PCDHA7: variants seen among roughly 807,000 people sequenced by gnomAD.
The protein encoded by PCDHA7 is protocadherin alpha-7.
Under a neutral mutation model 57.2 loss-of-function variants are expected in PCDHA7, and 37 were observed. The ratio of observed to expected loss-of-function variants is 0.65; its 90% confidence interval spans 0.50 to 0.85. The LOEUF (loss-of-function observed/expected upper bound fraction) is 0.85, where lower values mean the gene tolerates loss of function less well. PCDHA7 is among the 40% of genes least tolerant of loss of function. PCDHA7 has a pLI of 0.00. For missense variants in PCDHA7, 1,188 were observed against 1,241.8 expected (o/e 0.96, Z 0.65); for synonymous variants, 553 against 558.8 (o/e 0.99, Z 0.15).
intron 1 of PCDHA7, chr5:140,848,505 T>G: frequency 6.3e-7 from 1 of 1,587,952 alleles, no homozygotes; most frequent in South Asian, 1.1e-5. Context: ...AATGTTATAC[T>G]CAAGTCGAGG....
intron 1 of PCDHA7, chr5:140,928,001 A>T (rs1252162846): frequency 6.2e-7 from 1 of 1,614,034 alleles, no homozygotes; most frequent in Non-Finnish European, 8.5e-7. Flanking sequence ...GAAGACCTCG[A>T]TTCTAATGGT....
chr5:141,001,069 C>T (rs1422093659), intron 3 of PCDHA7, among the ~76,000 whole-genome samples: 15 of 152,106 alleles, frequency 9.9e-5, no homozygotes, highest in African/African-American at 3.1e-4. Flanking sequence ...AAATTAAATA[C>T]ATGCAAAATA....
At chr5:140,858,437 G>C (rs1343643925) in intron 1 of PCDHA7, 1 of 1,541,950 alleles carries the variant, frequency 6.5e-7, no homozygotes, top group South Asian at 1.2e-5. Context: ...CTCTAGGAAG[G>C]TGGGTTATTA....
At chr5:140,922,437 T>C (rs1462386336) in intron 1 of PCDHA7, among the ~76,000 whole-genome samples, 1 of 152,194 alleles carries the variant, frequency 6.6e-6, no homozygotes, top group African/African-American at 2.4e-5. Flanking sequence ...GGCAGAACTC[T>C]CTCATTATCC....
Position 140,936,735 on chromosome 5 carries a change from A to G in PCDHA7, c.2356-42214A>G, listed in dbSNP as rs75635765. 5.4e-3 allele frequency among the ~76,000 whole-genome samples: 829 copies of G among 152,226 alleles called. 3 individuals carry two copies. The highest frequency in any genetic ancestry group is 0.019 in the African/African-American group (798 of 41,528). ...AATACATTCTGTGTTAAATATAGTA[A>G]CTTTTCATTTGTATTGATATCTAAT... On this transcript the variant is annotated intron_variant, in intron 1 of 3. Coordinates refer to ENST00000525929, the MANE Select transcript of PCDHA7 (RefSeq NM_018910.3).
intron 1 of PCDHA7, chr5:140,884,363 T>A (rs1444938392): frequency 6.2e-7 from 1 of 1,613,818 alleles, no homozygotes; most frequent in African/African-American, 1.3e-5. Context: ...TGTCAATGTT[T>A]ACTTGATCAT....
chr5:140,953,316 T>G (rs782746401), intron 1 of PCDHA7, among the ~76,000 whole-genome samples: 3 of 152,138 alleles, frequency 2.0e-5, no homozygotes, highest in Non-Finnish European at 2.9e-5. Flanking sequence ...TGGGAAGAAT[T>G]TGATCATAGA....
Position 141,012,278 on chromosome 5 carries a change from G to T in PCDHA7, c.*2341G>T, listed in dbSNP as rs545417237. ...CTGTAAGGATAAAACACGTCATGTG[G>T]ATTCATTTTGAATTGGTGCTATTGG... On this transcript the variant is annotated 3_prime_UTR_variant, in exon 4 of 4. Coordinates refer to ENST00000525929, the MANE Select transcript of PCDHA7 (RefSeq NM_018910.3). The T allele has an allele frequency of 6.5e-6, 1 of 153,848 alleles. No individual in the cohort carries two copies. The highest frequency in any genetic ancestry group is 2.1e-4 in the South Asian group (1 of 4,826). The allele number at this position is 153,848 out of a possible 1,614,324, so 9.5% of individuals were successfully genotyped here.
intron 1 of PCDHA7, among the ~76,000 whole-genome samples, chr5:140,953,460 G>A (rs1025295552): frequency 1.3e-5 from 2 of 152,116 alleles, no homozygotes; most frequent in Non-Finnish European, 2.9e-5. Context: ...ATCTGTCAGA[G>A]TTTTAACTTC....
chr5:140,840,817 C>T (rs1422232698), intron 1 of PCDHA7, among the ~76,000 whole-genome samples: 1 of 152,040 alleles, frequency 6.6e-6, no homozygotes, highest in Non-Finnish European at 1.5e-5. Context: ...ACCAGTGTTT[C>T]TGGTGACCAA....
intron 1 of PCDHA7, chr5:140,927,680 G>T: frequency 6.2e-7 from 1 of 1,614,140 alleles, no homozygotes; most frequent in Non-Finnish European, 8.5e-7. Context: ...CCAGATGAAG[G>T]GTCCAATGGG....
intron 1 of PCDHA7, among the ~76,000 whole-genome samples, chr5:140,919,772 A>G (rs1421766938): frequency 6.6e-6 from 1 of 152,102 alleles, no homozygotes; most frequent in Non-Finnish European, 1.5e-5. Context: ...TATTACTGTT[A>G]CACATATTAC....
At chr5:140,863,799 G>A (rs1246230954) in intron 1 of PCDHA7, 10 of 212,460 alleles carry the variant, frequency 4.7e-5, no homozygotes, top group Non-Finnish European at 8.6e-5. Context: ...AGGAGTTTGA[G>A]ACCAGCCTGG....
chr5:140,924,096 T>C (rs1044149112), intron 1 of PCDHA7, among the ~76,000 whole-genome samples: 1 of 152,222 alleles, frequency 6.6e-6, no homozygotes, highest in Non-Finnish European at 1.5e-5. Context: ...AAAGAATAAA[T>C]TTTCATTCCA....
chr5:140,885,083 C>T (rs1359793188), intron 1 of PCDHA7, among the ~76,000 whole-genome samples: 3 of 151,992 alleles, frequency 2.0e-5, no homozygotes, highest in Admixed American at 6.5e-5. Context: ...TAAAGAGCCC[C>T]ATAACTTTTC....
At chr5:140,858,318 G>T in intron 1 of PCDHA7, 1 of 1,597,070 alleles carries the variant, frequency 6.3e-7, no homozygotes, top group Non-Finnish European at 8.6e-7. Context: ...CAGAGGGTGT[G>T]TTCTGGGGAG....
intron 1 of PCDHA7, chr5:140,882,983 GC>G: frequency 1.2e-6 from 2 of 1,614,130 alleles, no homozygotes; most frequent in Non-Finnish European, 1.7e-6. Context: ...GAATGACAAC[GC>G]CCCGGAATTT....
chr5:141,008,375 C>T (rs77600037), intron 3 of PCDHA7, among the ~76,000 whole-genome samples: 2,306 of 152,234 alleles, frequency 0.015, 24 homozygotes, highest in Middle Eastern at 0.031. Flanking sequence ...GTGTTAGATA[C>T]ATAAACATTG....
In PCDHA7 at chr5:140,836,230, C is replaced by T; in HGVS notation, c.1847C>T (p.Ala616Val). The T allele has an allele frequency of 3.1e-6, 5 of 1,613,786 alleles. No homozygotes were observed. Among genetic ancestry groups the T allele is most frequent in the Non-Finnish European group, 4.2e-6 (5 of 1,179,810 alleles). Residue 616 changes from alanine (A) to valine (V), a missense_variant, in exon 1 of 4, where the codon GCC becomes GTC. By Grantham distance (64) the Ala-to-Val change is moderately conservative (BLOSUM62 0). Coordinates refer to ENST00000525929, the MANE Select transcript of PCDHA7 (RefSeq NM_018910.3). ...WLSYELQPVA[A>V]GASIPFRVGL... ...TCGTATGAGTTGCAACCGGTGGCGG[C>T]CGGTGCGAGCATCCCGTTCCGCGTG...
Sources: gnomAD v4.1 joint callset for allele counts (sites outside exome capture counted in the v4.1 genomes callset) on GRCh38, gnomAD v4.1.1 for gene constraint, MANE v1.5 for transcripts, NCBI Gene and HGNC (gene_info 2026-07-23, HGNC 2026-07-21) for gene names.